MGAM2: variants seen among roughly 807,000 people sequenced by gnomAD.
The protein encoded by MGAM2 is maltase-glucoamylase 2 (putative), also known as probable maltase-glucoamylase 2.
In MGAM2, 98 loss-of-function variants were observed where a neutral mutation model predicts 96.1. The ratio of observed to expected loss-of-function variants is 1.02; its 90% CI spans 0.87 to 1.21. The LOEUF is 1.21. MGAM2 is among the 50% of genes most tolerant of loss of function. The pLI is 0.00. For synonymous variants in MGAM2, 749 were observed against 414.8 expected, an observed-to-expected ratio of 1.81 and a Z score of -9.79; for missense variants, 2,055 against 1,182.4, an observed-to-expected ratio of 1.74 and a Z score of -10.82.
chr7:142,113,619 G>A (rs1027052225), intron 1 of MGAM2, among the ~76,000 whole-genome samples: 2 of 152,136 alleles, frequency 1.3e-5, no homozygotes, highest in Non-Finnish European at 2.9e-5. Flanking sequence ...GGAGTGAGGT[G>A]TGGGGAGAGA....
At chr7:142,207,798 A>C (rs1209329015) in intron 45 of MGAM2, among the ~76,000 whole-genome samples, 3 of 152,150 alleles carry the variant, frequency 2.0e-5, no homozygotes, top group African/African-American at 7.2e-5. Flanking sequence ...ATATAAATAG[A>C]ATTAGGTAAA....
intron 37 of MGAM2, 139 bp from the exon 38 acceptor site, chr7:142,196,015 T>C (rs1797022120): frequency 3.1e-6 from 2 of 646,080 alleles, no homozygotes; most frequent in South Asian, 3.5e-5. Context: ...TAGCATGGCT[T>C]TGAGACAGCA....
In MGAM2 at chr7:142,131,987, T is replaced by A. The variant is rs1421791446; in HGVS notation, c.477T>A (p.Val159=). Residue 159 remains valine, a synonymous_variant, in exon 6 of 48, where the codon GTT becomes GTA. Coordinates refer to ENST00000477922, the MANE Select transcript of MGAM2 (RefSeq NM_001293626.2). ...YEVSHENINL[V]DGIADASNLS... is the part of the protein sequence containing the mutation. ...TTTCCCATGAAAATATTAACCTGGT[T>A]GATGGGATTGCTGATGCCTCCAATT... 9 of 702,910 alleles carry A rather than the reference T, an allele frequency of 1.3e-5. No homozygotes were observed. Among genetic ancestry groups the A allele is most frequent in the Admixed American group, 1.0e-4 (5 of 49,980 alleles). The allele number at this position is 702,910 out of a possible 1,614,324, so 43.5% of individuals were successfully genotyped here.
At chr7:142,202,260 C>T (rs1285478341) in intron 45 of MGAM2, among the ~76,000 whole-genome samples, 4 of 152,020 alleles carry the variant, frequency 2.6e-5, no homozygotes, top group East Asian at 1.9e-4. Flanking sequence ...AGGACCCCTG[C>T]GGATATCAAA....
At chr7:142,198,470 A>G (rs1797120145) in intron 43 of MGAM2, 145 bp from the exon 44 acceptor site, 2 of 590,452 alleles carry the variant, frequency 3.4e-6, no homozygotes, top group Non-Finnish European at 3.0e-6. Context: ...GCAAAACTGA[A>G]AGATCAGAGA....
Position 142,183,354 on chromosome 7 carries a change from A to G in MGAM2, c.3905A>G (p.Asn1302Ser), listed in dbSNP as rs769565539. 5.8e-5 allele frequency: 41 copies of G among 702,956 alleles called. 1 individual carries two copies. The highest frequency in any genetic ancestry group is 3.0e-4 in the African/African-American group (17 of 57,252). 43.5% of individuals were successfully genotyped at this position (702,956 alleles called of 1,614,324 possible). A position where few individuals can be genotyped will look rare whatever the true frequency, so the allele number is the denominator to read the frequency against. ...GTGTTCATCAAATGGCCTGACACCA[A>G]TGACATTGTCTGGGGAAAGGTAAGG... ...NNVFIKWPDT[N>S]DIVWGKVWPD... The change falls in exon 33 of 48, where the codon AAT (asparagine) becomes AGT (serine). Residue 1302 changes from asparagine (N) to serine (S), a missense_variant. Asn to Ser is a conservative substitution (Grantham distance 46). Transcript: ENST00000477922.
chr7:142,118,229 A>G (rs28758699), intron 2 of MGAM2, among the ~76,000 whole-genome samples: 1 of 152,002 alleles, frequency 6.6e-6, no homozygotes, highest in African/African-American at 2.4e-5. Flanking sequence ...GAATTTGACT[A>G]TTTTAAATAA....
chr7:142,141,720 G>A (rs1334065802), intron 12 of MGAM2, among the ~76,000 whole-genome samples: 7 of 151,826 alleles, frequency 4.6e-5, no homozygotes, highest in African/African-American at 1.7e-4. Flanking sequence ...GGTTGATCTC[G>A]AACTCCTGAC....
At chr7:142,194,538 T>TACATACATACATA (rs1344827866) in intron 37 of MGAM2, among the ~76,000 whole-genome samples, 1 of 151,972 alleles carries the variant, frequency 6.6e-6, no homozygotes, top group African/African-American at 2.4e-5. Context: ...CATTTCTTTA[T>TACATACATACATA]CACACATACA....
intron 31 of MGAM2, among the ~76,000 whole-genome samples, chr7:142,174,697 TTA>T (rs1796307448): frequency 2.0e-5 from 3 of 148,358 alleles, no homozygotes; most frequent in African/African-American, 7.5e-5. Flanking sequence ...TAAATGCCCT[TTA>T]TTTCTCTCTC....
intron 3 of MGAM2, among the ~76,000 whole-genome samples, chr7:142,127,335 C>T (rs10262939): frequency 0.17 from 25,260 of 151,960 alleles, 2,456 homozygotes; most frequent in East Asian, 0.36. Flanking sequence ...GTCACTTCAT[C>T]TACTCTTTCT....
rs1204543612 is a variant in MGAM2 at position 142,154,862 on chromosome 7, A to C, written c.1923+17A>C. 4 of 702,610 alleles carry C rather than the reference A, an allele frequency of 5.7e-6. No individual in the cohort carries two copies. The East Asian group carries it at 1.1e-4, about 19-fold the overall frequency. 43.5% of individuals were successfully genotyped at this position (702,610 alleles called of 1,614,324 possible). A position where few individuals can be genotyped will look rare whatever the true frequency, so the allele number is the denominator to read the frequency against. On this transcript the variant is annotated intron_variant, in intron 17 of 47. Coordinates refer to ENST00000477922, the MANE Select transcript of MGAM2 (RefSeq NM_001293626.2). ...GGGTTCAGGGTAAGGTCACCAAAAGAAGTGATGGAAACTTTTTGGATTAGC... is the reference window on the plus strand; with the variant it reads ...GGGTTCAGGGTAAGGTCACCAAAAGCAGTGATGGAAACTTTTTGGATTAGC...
In MGAM2 at chr7:142,220,417, C is replaced by T; in HGVS notation, c.5906C>T (p.Thr1969Ile). 2.8e-6 allele frequency: 2 copies of T among 702,396 alleles called. No individual in the cohort carries two copies. The highest frequency in any genetic ancestry group is 5.2e-6 in the Non-Finnish European group (2 of 384,824). 43.5% of individuals were successfully genotyped at this position (702,396 alleles called of 1,614,324 possible). The change falls in exon 48 of 48, where the codon ACT becomes ATT. Residue 1969 changes from threonine (T) to isoleucine (I), a missense_variant. Physicochemically the swap from Thr to Ile is moderately conservative, Grantham distance 89. Coordinates refer to ENST00000477922, the MANE Select transcript of MGAM2 (RefSeq NM_001293626.2). ...DTTAPFPTNT[T>I]TASTNATIPI... ...ACTGCCCCTTTCCCAACAAATACTA[C>T]TACTGCTAGCACTAATGCTACTATT... is the stretch of plus-strand genomic sequence containing the variant.
At chr7:142,188,441 T>TA (rs141563549) in intron 36 of MGAM2, among the ~76,000 whole-genome samples, 14 of 149,860 alleles carry the variant, frequency 9.3e-5, no homozygotes, top group Middle Eastern at 3.4e-3. Flanking sequence ...GTGAGACCCA[T>TA]AAAAAAAAAC....
intron 13 of MGAM2, among the ~76,000 whole-genome samples, 190 bp from the exon 14 acceptor site, chr7:142,144,671 A>G (rs1795332325): frequency 6.6e-6 from 1 of 152,218 alleles, no homozygotes; most frequent in African/African-American, 2.4e-5. Flanking sequence ...AAAAATATAT[A>G]ACCTAATCCA....
At chr7:142,150,207 C>A (rs1450214829) in intron 15 of MGAM2, among the ~76,000 whole-genome samples, 1 of 152,150 alleles carries the variant, frequency 6.6e-6, no homozygotes, top group Admixed American at 6.5e-5. Context: ...TCCCAAAGTG[C>A]TGGAATTGCA....
At chr7:142,182,271 G>A (rs1488907699) in intron 32 of MGAM2, among the ~76,000 whole-genome samples, 2 of 152,156 alleles carry the variant, frequency 1.3e-5, no homozygotes, top group Non-Finnish European at 2.9e-5. Context: ...GGGGGTCAGA[G>A]TACTTCCAGG....
chr7:142,221,707 C>G lies in MGAM2; in HGVS notation c.7196C>G (p.Ala2399Gly). The G allele has an allele frequency of 2.4e-6, 1 of 418,784 alleles. No homozygotes were observed. Among genetic ancestry groups the G allele is most frequent in the Non-Finnish European group, 4.2e-6 (1 of 237,094 alleles). The allele number at this position is 418,784 out of a possible 1,614,324, so 25.9% of individuals were successfully genotyped here. A position where few individuals can be genotyped will look rare whatever the true frequency, so the allele number is the denominator to read the frequency against. ...TPHSATTTTL[A>G]LSHTSLAPTN... ...CATTCTGCTACTACTACAACACTGGCCTTAAGCCACACCTCATTAGCTCCT... is the reference window on the plus strand; with the variant it reads ...CATTCTGCTACTACTACAACACTGGGCTTAAGCCACACCTCATTAGCTCCT... The change falls in exon 48 of 48, where the codon GCC (alanine) becomes GGC (glycine). Residue 2399 changes from alanine to glycine, a missense_variant. Ala to Gly is a moderately conservative substitution (Grantham distance 60). Transcript: ENST00000477922.
Position 142,172,133 on chromosome 7 carries a change from C to A in MGAM2, c.3387C>A (p.Tyr1129Ter). 1 of 736,310 alleles carries A rather than the reference C, an allele frequency of 1.4e-6. No individual in the cohort carries two copies. The highest frequency in any genetic ancestry group is 2.5e-6 in the Non-Finnish European group (1 of 401,334). The allele number at this position is 736,310 out of a possible 1,614,324, so 45.6% of individuals were successfully genotyped here. The change falls in exon 29 of 48, where the codon TAC becomes TAA. Residue 1129 changes from tyrosine to a stop codon, truncating the protein, a stop_gained. Coordinates refer to ENST00000477922, the MANE Select transcript of MGAM2 (RefSeq NM_001293626.2). LOFTEE classifies it high-confidence loss of function. ...KKNSYGVHPY[Y>*]MALEEDGSAH... The stretch of plus-strand genomic sequence containing the variant: ...ATTCCTATGGTGTCCACCCTTACTA[C>A]ATGGCACTGGAGGAGGATGGTAGTG...
Sources: gnomAD v4.1 joint callset for allele counts (sites outside exome capture counted in the v4.1 genomes callset) on GRCh38, gnomAD v4.1.1 for gene constraint, MANE v1.5 for transcripts, NCBI Gene and HGNC (gene_info 2026-07-23, HGNC 2026-07-21) for gene names.